AGBL3: variants seen among roughly 807,000 people sequenced by gnomAD.
The protein encoded by AGBL3 is AGBL carboxypeptidase 3.
A neutral mutation model predicts 94.5 loss-of-function variants in AGBL3; 68 were observed. The ratio of observed to expected loss-of-function variants is 0.72; its 90% CI spans 0.59 to 0.88. AGBL3 has a LOEUF of 0.88. Among genes scored for constraint, AGBL3 ranks in the 40% least tolerant of loss-of-function variants. AGBL3 has a pLI of 0.00. For missense variants in AGBL3, 934 were observed against 1,103.8 expected (o/e 0.85, Z 2.18); for synonymous variants, 354 against 370.7 (o/e 0.95, Z 0.52).
chr7:135,061,403 A>G (rs1818827503), intron 12 of AGBL3, among the ~76,000 whole-genome samples: 1 of 151,998 alleles, frequency 6.6e-6, no homozygotes, highest in African/African-American at 2.4e-5. Context: ...AATCCCATGT[A>G]TCTGCTGCTT....
At chr7:134,990,105 T>C (rs1810041075) in intron 3 of AGBL3, among the ~76,000 whole-genome samples, 1 of 152,256 alleles carries the variant, frequency 6.6e-6, no homozygotes. Context: ...ATTACTTCTA[T>C]AGGCTTATTA....
At chr7:135,119,678 C>A (rs1254744711) in intron 16 of AGBL3, among the ~76,000 whole-genome samples, 1 of 151,948 alleles carries the variant, frequency 6.6e-6, no homozygotes, top group African/African-American at 2.4e-5. Context: ...GAGATCAAGA[C>A]CAACCTGGCT....
In AGBL3 at chr7:135,034,777, G is replaced by C. The variant is rs760113629; in HGVS notation, c.1186G>C (p.Val396Leu). Reference protein sequence around the residue: ...SDAQLLRDTFVFKVVPMLNPD... With the variant: ...SDAQLLRDTFLFKVVPMLNPD... ...TGCACAGTTGCTTCGGGACACTTTT[G>C]TCTTCAAGGTGGTACCCATGCTCAA... Residue 396 changes from valine (V) to leucine (L), a missense_variant, in exon 7 of 17, where the codon GTC becomes CTC. Coordinates refer to ENST00000436302, the MANE Select transcript of AGBL3 (RefSeq NM_178563.4). The C allele has an allele frequency of 7.7e-6, 12 of 1,552,036 alleles. No individual in the cohort carries two copies. Among genetic ancestry groups the C allele is most frequent in the Non-Finnish European group, 1.0e-5 (12 of 1,147,210 alleles).
chr7:135,059,149 C>G lies in AGBL3; in HGVS notation c.1842-20C>G. 1 of 1,543,230 alleles carries G rather than the reference C, an allele frequency of 6.5e-7. No homozygotes were observed. The highest frequency in any genetic ancestry group is 8.8e-7 in the Non-Finnish European group (1 of 1,142,414). On this transcript the variant is annotated intron_variant, in intron 11 of 16. Coordinates refer to ENST00000436302, the MANE Select transcript of AGBL3 (RefSeq NM_178563.4). ...GATGCCACCAAAACACTGTATAAAC[C>G]AAAATTATTTTTTTTGTAGTAGCCG...
chr7:135,022,599 A>G (rs1214135187), intron 5 of AGBL3, among the ~76,000 whole-genome samples: 3 of 151,920 alleles, frequency 2.0e-5, no homozygotes, highest in African/African-American at 7.3e-5. Flanking sequence ...ATTTTCTCCC[A>G]TTCTGTAGGT....
intron 4 of AGBL3, among the ~76,000 whole-genome samples, chr7:135,015,300 G>T (rs1813639309): frequency 6.6e-6 from 1 of 152,174 alleles, no homozygotes; most frequent in Non-Finnish European, 1.5e-5. Flanking sequence ...AAACGTTTAT[G>T]CAGTAGACGT....
At chr7:135,126,926 A>G (rs1308925857) in intron 16 of AGBL3, among the ~76,000 whole-genome samples, 1 of 152,184 alleles carries the variant, frequency 6.6e-6, no homozygotes, top group East Asian at 1.9e-4. Flanking sequence ...CCAGAAGAAA[A>G]CCTAGGCAAT....
intron 4 of AGBL3, among the ~76,000 whole-genome samples, chr7:134,998,827 G>A (rs1006510134): frequency 6.6e-6 from 1 of 152,002 alleles, no homozygotes; most frequent in Non-Finnish European, 1.5e-5. Context: ...CACTGCCCCA[G>A]GCTGGAAAAA....
In AGBL3 at chr7:135,056,896, G is replaced by A. The variant is rs559932423; in HGVS notation, c.1842-2273G>A. Among the ~76,000 whole-genome samples, 20 of 152,186 alleles carry A rather than the reference G, an allele frequency of 1.3e-4. 1 individual carries two copies. Among genetic ancestry groups the A allele is most frequent in the Admixed American group, 1.2e-3 (18 of 15,284 alleles). ...TATAGACAAACTAATTCTAAAATTT[G>A]TGTGGGTATGTAAAAGACCTGAAAT... On this transcript the variant is annotated intron_variant, in intron 11 of 16. Coordinates refer to ENST00000436302, the MANE Select transcript of AGBL3 (RefSeq NM_178563.4).
At chr7:135,021,245 CTT>C (rs1814407006) in intron 5 of AGBL3, among the ~76,000 whole-genome samples, 1 of 151,086 alleles carries the variant, frequency 6.6e-6, no homozygotes, top group South Asian at 2.1e-4. Flanking sequence ...GATATTCAAT[CTT>C]GTTATTAGCA....
chr7:135,067,012 C>A (rs1016122464), intron 12 of AGBL3, among the ~76,000 whole-genome samples: 1 of 152,166 alleles, frequency 6.6e-6, no homozygotes, highest in Non-Finnish European at 1.5e-5. Context: ...ACAGATGGCA[C>A]CTGGAAAATC....
Position 135,034,327 on chromosome 7 carries a change from G to A in AGBL3, c.736G>A (p.Glu246Lys), listed in dbSNP as rs1456240261. ...SRGMRPLFYS[E>K]KEAKAHHIGW... ...GGGTATGCGCCCACTGTTCTATTCT[G>A]AAAAAGAGGCCAAGGCTCATCACAT... Residue 246 changes from glutamate (E) to lysine (K), a missense_variant, in exon 7 of 17, where the codon GAA becomes AAA. By Grantham distance (56) the Glu-to-Lys change is moderately conservative (BLOSUM62 1). Coordinates refer to ENST00000436302, the MANE Select transcript of AGBL3 (RefSeq NM_178563.4). The A allele has an allele frequency of 1.9e-6, 3 of 1,551,632 alleles. No homozygotes were observed. The highest frequency in any genetic ancestry group is 2.0e-5 in the Admixed American group (1 of 50,988).
At chr7:135,109,847 G>C (rs940006446) in intron 15 of AGBL3, among the ~76,000 whole-genome samples, 2 of 152,198 alleles carry the variant, frequency 1.3e-5, no homozygotes, top group African/African-American at 2.4e-5. Context: ...CATGGCTAAG[G>C]CTGTGAAATA....
chr7:135,073,960 C>T (rs1423711684), intron 12 of AGBL3, among the ~76,000 whole-genome samples: 1 of 152,110 alleles, frequency 6.6e-6, no homozygotes, highest in Non-Finnish European at 1.5e-5. Context: ...GAGGGGTGGT[C>T]TCCTCCCTTA....
rs1176537606 is a variant in AGBL3, at chr7:135,129,430, TGGAAGAG to T, written c.2343-5410_2343-5404del. On this transcript the variant is annotated intron_variant, in intron 16 of 16. Coordinates refer to ENST00000436302, the MANE Select transcript of AGBL3 (RefSeq NM_178563.4). ...GATAAGAGGGTGATTCAGAAGGCAC[TGGAAGAG>T]ATGGAAAGTAAGGAGTGGCTAGAGA... The T allele has an allele frequency of 6.4e-6, 5 of 785,756 alleles. No homozygotes were observed. In the African/African-American group the frequency reaches 8.5e-5, roughly 13 times the overall value. The allele number at this position is 785,756 out of a possible 1,614,324, so 48.7% of individuals were successfully genotyped here. A position where few individuals can be genotyped will look rare whatever the true frequency, so the allele number is the denominator to read the frequency against.
At chr7:135,038,047 G>A (rs1378250837) in intron 8 of AGBL3, among the ~76,000 whole-genome samples, 1 of 151,900 alleles carries the variant, frequency 6.6e-6, no homozygotes, top group Non-Finnish European at 1.5e-5. Context: ...ATTAGAATGA[G>A]AAAAGAATAA....
intron 12 of AGBL3, among the ~76,000 whole-genome samples, chr7:135,060,583 T>G (rs562881789): frequency 6.6e-6 from 1 of 152,264 alleles, no homozygotes; most frequent in East Asian, 1.9e-4. Flanking sequence ...CCCTGGTAAC[T>G]ACCATTCTAC....
chr7:135,003,558 A>G (rs1644633951), intron 4 of AGBL3, among the ~76,000 whole-genome samples: 1 of 151,886 alleles, frequency 6.6e-6, no homozygotes, highest in African/African-American at 2.4e-5. Context: ...TAACTTAAGG[A>G]AGAGTAACAT....
At position 135,130,799 on chromosome 7, in the gene AGBL3, T is replaced by A. The variant is rs760480012; in HGVS notation, c.2343-4042T>A. Among the ~76,000 whole-genome samples the A allele has an allele frequency of 3.4e-4, 51 of 152,154 alleles. 1 individual carries two copies. The highest frequency in any genetic ancestry group is 1.0e-3 in the African/African-American group (43 of 41,430). On this transcript the variant is annotated intron_variant, in intron 16 of 16. Coordinates refer to ENST00000436302, the MANE Select transcript of AGBL3 (RefSeq NM_178563.4). ...CTATGGGAATTTGGCTTCATACTCT[T>A]TTTTTGCAACAGCAGTGTTTTGGGT...
Sources: allele counts gnomAD v4.1 joint callset (sites outside exome capture counted in the v4.1 genomes callset), GRCh38; gene constraint gnomAD v4.1.1; transcripts MANE v1.5; gene names NCBI Gene and HGNC (gene_info 2026-07-23, HGNC 2026-07-21).